Variants in ANAPC1 observed in about 807,000 individuals in gnomAD.
ANAPC1 encodes anaphase promoting complex subunit 1, also known as anaphase-promoting complex subunit 1.
ANAPC1 carries 36 observed loss-of-function variants against 208.0 expected under a neutral mutation model. That is an observed-to-expected ratio of 0.17 (90% CI 0.13 to 0.23). The LOEUF (loss-of-function observed/expected upper bound fraction) is 0.23, where lower values mean the gene tolerates loss of function less well. Ranked by LOEUF, ANAPC1 falls within the 10% of genes least tolerant of loss-of-function variation. The probability of loss-of-function intolerance (pLI) is 1.00; values close to 1 mark genes in which losing one functional copy is unlikely to be tolerated. For missense variants in ANAPC1, 942 were observed against 2,011.6 expected, an observed-to-expected ratio of 0.47 and a Z score of 10.17; for synonymous variants, 378 against 695.2, an observed-to-expected ratio of 0.54 and a Z score of 7.18.
chr2:111,861,082 C>A (rs1403997789), intron 10 of ANAPC1, among the ~76,000 whole-genome samples: 2 of 152,060 alleles, frequency 1.3e-5, no homozygotes, highest in East Asian at 3.9e-4. Flanking sequence ...CTCAAGCCTC[C>A]TTTTTTTCTT....
chr2:111,777,076 C>G lies in ANAPC1; in HGVS notation c.5386-19G>C. The G allele has an allele frequency of 2.2e-6, 1 of 462,590 alleles. No individual in the cohort carries two copies. The highest frequency in any genetic ancestry group is 4.0e-6 in the Non-Finnish European group (1 of 252,142). The allele number at this position is 462,590 out of a possible 1,614,324, so 28.7% of individuals were successfully genotyped here. ...TTATAGCCTTGAAGAGGAAAGAGGA[C>G]AACAATCTATTTAATCAAAGAGTGC... On this transcript the variant is annotated intron_variant, in intron 45 of 47. Transcript: ENST00000341068.
chr2:111,869,025 T>C (rs1682590197), intron 6 of ANAPC1, among the ~76,000 whole-genome samples: 1 of 152,158 alleles, frequency 6.6e-6, no homozygotes, highest in Non-Finnish European at 1.5e-5. Flanking sequence ...GGGGGCAAGA[T>C]AAACACGCCG....
chr2:111,823,253 G>A (rs1056391149), intron 24 of ANAPC1, among the ~76,000 whole-genome samples: 8 of 151,484 alleles, frequency 5.3e-5, no homozygotes, highest in African/African-American at 7.3e-5. Context: ...TCCTGACCTC[G>A]TGATCCACCC....
At chr2:111,843,236 TAATATTA>T (rs1385043022) in intron 17 of ANAPC1, among the ~76,000 whole-genome samples, 169 bp downstream of exon 17, 3 of 152,330 alleles carry the variant, frequency 2.0e-5, no homozygotes, top group African/African-American at 7.2e-5. Context: ...AGTAAAATGT[TAATATTA>T]AATATTAAGT....
chr2:111,864,058 G>A (rs1229238948), intron 8 of ANAPC1, among the ~76,000 whole-genome samples, 163 bp from the exon 9 acceptor site: 2 of 152,092 alleles, frequency 1.3e-5, no homozygotes, highest in Admixed American at 6.6e-5. Context: ...CAGGTGCCGT[G>A]GCTTACATCT....
At chr2:111,830,002 G>A (rs1213301632) in intron 21 of ANAPC1, among the ~76,000 whole-genome samples, 7 of 152,104 alleles carry the variant, frequency 4.6e-5, no homozygotes, top group African/African-American at 1.2e-4. Context: ...CCCAGAAGGT[G>A]GAGGTTGCAG....
At chr2:111,795,128 A>T (rs1159500528) in intron 34 of ANAPC1, 1 of 327,408 alleles carries the variant, frequency 3.1e-6, no homozygotes, top group African/African-American at 2.1e-5. Context: ...TCACGACTGT[A>T]ATCCCAGCAC....
intron 15 of ANAPC1, 49 bp downstream of exon 15, chr2:111,847,676 T>A (rs1573454142): frequency 7.5e-7 from 1 of 1,341,856 alleles, no homozygotes; most frequent in Non-Finnish European, 9.8e-7. Context: ...TCTGTCAAAT[T>A]TGAAATGCCA....
At chr2:111,860,541 TC>T (rs1682002820) in intron 10 of ANAPC1, among the ~76,000 whole-genome samples, 1 of 141,718 alleles carries the variant, frequency 7.1e-6, no homozygotes, top group African/African-American at 2.6e-5. Context: ...CTGGCCAAGG[TC>T]ACCAAGGAAC....
intron 43 of ANAPC1, among the ~76,000 whole-genome samples, chr2:111,780,956 A>T (rs1167608773): frequency 4.9e-5 from 7 of 143,618 alleles, no homozygotes; most frequent in Non-Finnish European, 8.9e-5. Context: ...GCAGGTATAG[A>T]TCTCAGGTCT....
At chr2:111,774,968 G>A (rs1393072581) in intron 46 of ANAPC1, among the ~76,000 whole-genome samples, 2 of 151,728 alleles carry the variant, frequency 1.3e-5, no homozygotes. Context: ...GATAAATACT[G>A]TACAAAACAT....
intron 7 of ANAPC1, among the ~76,000 whole-genome samples, chr2:111,867,760 TATTA>T (rs1349475373): frequency 6.6e-6 from 1 of 152,014 alleles, no homozygotes; most frequent in Non-Finnish European, 1.5e-5. Context: ...TTCATTTACT[TATTA>T]ATTATTAAAG....
chr2:111,864,263 C>G (rs989414578), intron 8 of ANAPC1, among the ~76,000 whole-genome samples: 2 of 151,508 alleles, frequency 1.3e-5, no homozygotes, highest in African/African-American at 4.9e-5. Context: ...GAGTTCAAGG[C>G]TGCAGTGAAC....
intron 8 of ANAPC1, among the ~76,000 whole-genome samples, chr2:111,864,462 A>ATATAT (rs1553434779): frequency 3.1e-5 from 1 of 32,360 alleles, no homozygotes; most frequent in South Asian, 1.7e-3. Context: ...ATATATATAT[A>ATATAT]CTTTTTTTTT....
chr2:111,854,028 A>G (rs1161913910), intron 13 of ANAPC1, among the ~76,000 whole-genome samples: 2 of 152,108 alleles, frequency 1.3e-5, no homozygotes, highest in Non-Finnish European at 2.9e-5. Flanking sequence ...GAAGGTTTTC[A>G]GTGGACTTTG....
chr2:111,870,981 T>C (rs1211154874), intron 6 of ANAPC1, among the ~76,000 whole-genome samples: 6 of 152,318 alleles, frequency 3.9e-5, no homozygotes, highest in East Asian at 1.9e-4. Flanking sequence ...GTAAGCTTGT[T>C]TGTCAAAGAT....
At position 111,838,504 on chromosome 2, in the gene ANAPC1, A is replaced by G. The variant is rs147052319; in HGVS notation, c.2049T>C (p.Phe683=). ...CAATGACAGGAGAAAGTGATCCTTC[A>G]AAGTCAAACTGAAAAGTAACCCCAA... is the stretch of plus-strand genomic sequence containing the variant. ...DRLAWTRNFD[F]EGSLSPVIAP... is the part of the protein sequence containing the mutation. Residue 683 remains phenylalanine (F), a synonymous_variant, in exon 18 of 48, where the codon TTT becomes TTC. Transcript: ENST00000341068. The G allele has an allele frequency of 6.2e-7, 1 of 1,604,122 alleles. No individual in the cohort carries two copies. Among genetic ancestry groups the G allele is most frequent in the African/African-American group, 1.3e-5 (1 of 74,602 alleles).
At position 111,843,475 on chromosome 2, in the gene ANAPC1, T is replaced by G; in HGVS notation, c.1977A>C (p.Leu659Phe). The G allele has an allele frequency of 6.2e-7, 1 of 1,611,984 alleles. No individual in the cohort carries two copies. Residue 659 changes from leucine to phenylalanine, a missense_variant, in exon 17 of 48, where the codon TTA (leucine) becomes TTC (phenylalanine). By Grantham distance (22) the Leu-to-Phe change is conservative. Coordinates refer to ENST00000341068, the MANE Select transcript of ANAPC1 (RefSeq NM_022662.4). ...GGPSYHSEWNLFVTCLMNMMG... is the reference protein window; with the variant it reads ...GGPSYHSEWNFFVTCLMNMMG... ...TCATGTTCATGAGACAAGTCACAAA[T>G]AAATTCCACTCTGAGTGATAACTGG...
At chr2:111,847,094 T>C (rs1475876365) in intron 16 of ANAPC1, 44 bp downstream of exon 16, 10 of 1,450,126 alleles carry the variant, frequency 6.9e-6, no homozygotes, top group African/African-American at 1.4e-5. Flanking sequence ...TTAATGTAAA[T>C]CACAATTACT....
Sources: allele counts gnomAD v4.1 joint callset (sites outside exome capture counted in the v4.1 genomes callset), GRCh38; gene constraint gnomAD v4.1.1; transcripts MANE v1.5; gene names NCBI Gene and HGNC (gene_info 2026-07-23, HGNC 2026-07-21).